FHL2: variants seen among roughly 807,000 people sequenced by gnomAD.
FHL2 encodes four and a half LIM domains 2, also known as four and a half LIM domains protein 2.
Under a neutral mutation model 32.7 loss-of-function variants are expected in FHL2, and 20 were observed. The ratio of observed to expected loss-of-function variants is 0.61; its 90% CI spans 0.43 to 0.89. The LOEUF (loss-of-function observed/expected upper bound fraction) is 0.89. Among genes scored for constraint, FHL2 ranks in the 40% least tolerant of loss-of-function variants. The pLI is 0.00. For missense variants in FHL2, 311 were observed against 358.6 expected (o/e 0.87, Z 1.07); for synonymous variants, 123 against 128.1 (o/e 0.96, Z 0.27).
chr2:105,404,462 G>A (rs1200888294), intron 1 of FHL2, among the ~76,000 whole-genome samples: 2 of 152,160 alleles, frequency 1.3e-5, no homozygotes, highest in African/African-American at 4.8e-5. Flanking sequence ...ATCCCAGGGT[G>A]GTGGCACAGA....
chr2:105,414,481 C>G (rs563082133), intron 1 of FHL2, among the ~76,000 whole-genome samples: 13 of 152,286 alleles, frequency 8.5e-5, no homozygotes, highest in African/African-American at 3.1e-4. Flanking sequence ...CGCCCCCCCT[C>G]CGCCGCCATT....
intron 1 of FHL2, among the ~76,000 whole-genome samples, chr2:105,425,750 AC>A (rs1684245385): frequency 6.6e-6 from 1 of 151,674 alleles, no homozygotes; most frequent in Admixed American, 6.6e-5. Context: ...CAGTCATAGT[AC>A]CTTCCCTTGA....
upstream of FHL2, among the ~76,000 whole-genome samples, chr2:105,401,996 TAC>T (rs1312015276): frequency 6.6e-6 from 1 of 150,934 alleles, no homozygotes; most frequent in Admixed American, 6.6e-5. Flanking sequence ...AATATATATA[TAC>T]ACGAATATAT....
chr2:105,436,563 CAT>C (rs1297145838), intron 1 of FHL2, among the ~76,000 whole-genome samples: 1 of 150,614 alleles, frequency 6.6e-6, no homozygotes, highest in Admixed American at 6.6e-5. Flanking sequence ...TTTATATATA[CAT>C]ATATATATGT....
chr2:105,409,451 G>T (rs1368917413), intron 1 of FHL2, among the ~76,000 whole-genome samples: 2 of 152,200 alleles, frequency 1.3e-5, no homozygotes, highest in Admixed American at 1.3e-4. Context: ...AAGATAGCCA[G>T]ATAGGGAAGG....
chr2:105,386,139 A>G, intron 3 of FHL2: 1 of 487,056 alleles, frequency 2.1e-6, no homozygotes, highest in Non-Finnish European at 3.6e-6. Context: ...TAGAGATACT[A>G]AGCACAAAAG....
At chr2:105,401,853 A>T (rs1683475286), upstream of FHL2, among the ~76,000 whole-genome samples, 1 of 152,102 alleles carries the variant, frequency 6.6e-6, no homozygotes, top group Non-Finnish European at 1.5e-5. Flanking sequence ...GACAATGTAT[A>T]TTTATAAGCG....
Position 105,361,132 on chromosome 2 carries a change from AG to A in FHL2, c.*150del. 5.4e-6 allele frequency: 4 copies of A among 741,828 alleles called. No individual in the cohort carries two copies. The South Asian group carries it at 7.8e-5, about 14-fold the overall frequency. 46.0% of individuals were successfully genotyped at this position (741,828 alleles called of 1,614,324 possible). A position where few individuals can be genotyped will look rare whatever the true frequency, so the allele number is the denominator to read the frequency against. Reference sequence around the variant, plus strand: ...GGACTGAACTATCACAAAGCACTAAAGGGTTTAAGCAAACGTGAGTATCACT... The same window carrying A: ...GGACTGAACTATCACAAAGCACTAAAGGTTTAAGCAAACGTGAGTATCACT... On this transcript the variant is annotated 3_prime_UTR_variant, in exon 7 of 7. Transcript: ENST00000530340.
intron 1 of FHL2, among the ~76,000 whole-genome samples, chr2:105,411,703 G>A (rs1455556910): frequency 5.9e-5 from 9 of 151,820 alleles, no homozygotes. Context: ...AATTGGGCAT[G>A]GTGGTGAGCT....
chr2:105,411,877 G>C (rs1225591238), intron 1 of FHL2, among the ~76,000 whole-genome samples: 2 of 151,958 alleles, frequency 1.3e-5, no homozygotes, highest in East Asian at 1.9e-4. Context: ...TGAGTAGAGA[G>C]CCCGAGGGAA....
chr2:105,378,107 C>CATCAA (rs144051497), intron 3 of FHL2: 84,700 of 470,866 alleles, frequency 0.18, 8,610 homozygotes, highest in South Asian at 0.22. Flanking sequence ...GGAAAGAGCA[C>CATCAA]ATCAGCATGC....
intron 1 of FHL2, among the ~76,000 whole-genome samples, chr2:105,434,867 G>A (rs377409619): frequency 1.2e-4 from 18 of 151,914 alleles, no homozygotes; most frequent in African/African-American, 2.4e-4. Context: ...CTCAGCCTCC[G>A]AAACTAGCTA....
intron 1 of FHL2, among the ~76,000 whole-genome samples, chr2:105,419,483 G>A (rs1228311269): frequency 6.6e-6 from 1 of 152,150 alleles, no homozygotes. Flanking sequence ...CCTTTGTGAA[G>A]GTGTTTCTCC....
intron 4 of FHL2, among the ~76,000 whole-genome samples, chr2:105,369,492 G>A (rs1429898176): frequency 2.0e-5 from 3 of 152,146 alleles, no homozygotes; most frequent in Non-Finnish European, 4.4e-5. Flanking sequence ...AAATAAGCAG[G>A]GTGTGTGTTG....
At chr2:105,405,364 G>A (rs997020029) in intron 1 of FHL2, among the ~76,000 whole-genome samples, 6 of 152,136 alleles carry the variant, frequency 3.9e-5, no homozygotes, top group African/African-American at 1.4e-4. Flanking sequence ...ATTCTTCCAG[G>A]CATTTCTGAA....
chr2:105,406,140 A>G (rs1439734731), intron 1 of FHL2, among the ~76,000 whole-genome samples: 5 of 152,372 alleles, frequency 3.3e-5, no homozygotes, highest in Admixed American at 6.5e-5. Flanking sequence ...ACAACCAAGC[A>G]TCTTTCTCCA....
chr2:105,392,835 T>G (rs1205306113), intron 2 of FHL2, among the ~76,000 whole-genome samples: 3 of 104,676 alleles, frequency 2.9e-5, no homozygotes, highest in Non-Finnish European at 6.3e-5. Flanking sequence ...TTTTTTTTTT[T>G]TCTTGAGACA....
chr2:105,387,096 T>A (rs1682380007), intron 2 of FHL2, among the ~76,000 whole-genome samples: 1 of 152,098 alleles, frequency 6.6e-6, no homozygotes, highest in Admixed American at 6.6e-5. Context: ...ACAAATTATT[T>A]TTTACTGTGT....
chr2:105,388,549 G>A (rs1334452528), intron 2 of FHL2, among the ~76,000 whole-genome samples: 1 of 151,934 alleles, frequency 6.6e-6, no homozygotes, highest in African/African-American at 2.4e-5. Flanking sequence ...TGGGCTGGGT[G>A]CAGTCACTCA....
Sources: gnomAD v4.1 joint callset for allele counts (sites outside exome capture counted in the v4.1 genomes callset) on GRCh38, gnomAD v4.1.1 for gene constraint, MANE v1.5 for transcripts, NCBI Gene and HGNC (gene_info 2026-07-23, HGNC 2026-07-21) for gene names.